The following GALNT13 variants were observed in gnomAD, a reference collection of about 807,000 sequenced individuals.
GALNT13 encodes the protein polypeptide N-acetylgalactosaminyltransferase 13.
A neutral mutation model predicts 64.2 loss-of-function variants in GALNT13; 28 were observed. That is an observed-to-expected ratio of 0.44 (90% CI 0.32 to 0.60). The LOEUF is 0.60. Among genes scored for constraint, GALNT13 ranks in the 20% least tolerant of loss-of-function variants. GALNT13 has a pLI of 0.05. For synonymous variants in GALNT13, 214 were observed against 224.6 expected (o/e 0.95, Z 0.42); for missense variants, 577 against 669.8 (o/e 0.86, Z 1.53).
chr2:154,341,418 G>T (rs1283462582), intron 9 of GALNT13, among the ~76,000 whole-genome samples: 9 of 152,126 alleles, frequency 5.9e-5, no homozygotes. Context: ...TGAGATGGAG[G>T]TGTGGAATGC....
the GALNT13 span, among the ~76,000 whole-genome samples, chr2:153,161,029 A>C: frequency 6.6e-6 from 1 of 152,310 alleles, no homozygotes; most frequent in East Asian, 1.9e-4. Flanking sequence ...TACTAGATTA[A>C]AAGGCAGTAA....
chr2:154,082,119 T>C (rs762462271), intron 3 of GALNT13, among the ~76,000 whole-genome samples: 2 of 151,694 alleles, frequency 1.3e-5, no homozygotes, highest in African/African-American at 4.8e-5. Flanking sequence ...GGTTTTATGA[T>C]GTGTATTTTT....
At chr2:154,023,886 C>T (rs1467232638) in intron 3 of GALNT13, among the ~76,000 whole-genome samples, 1 of 152,086 alleles carries the variant, frequency 6.6e-6, no homozygotes, top group Non-Finnish European at 1.5e-5. Flanking sequence ...TTAGGTCAGG[C>T]CTGGTGGTGA....
chr2:153,458,697 A>G, the GALNT13 span, among the ~76,000 whole-genome samples: 6 of 152,166 alleles, frequency 3.9e-5, no homozygotes, highest in Admixed American at 3.9e-4. Context: ...GCCTATCTCA[A>G]TTCTGGAAAA....
intron 3 of GALNT13, among the ~76,000 whole-genome samples, chr2:153,978,843 G>A (rs747017594): frequency 1.7e-4 from 26 of 152,164 alleles, no homozygotes; most frequent in Non-Finnish European, 3.2e-4. Flanking sequence ...GGCTGGGGTG[G>A]GAGGATCCTT....
At chr2:153,374,900 A>G in the GALNT13 span, among the ~76,000 whole-genome samples, 18,016 of 152,114 alleles carry the variant, frequency 0.12, 1,229 homozygotes, top group Middle Eastern at 0.17. Flanking sequence ...GCTATTACCA[A>G]TTCTCAGATA....
At chr2:153,114,969 C>A in the GALNT13 span, among the ~76,000 whole-genome samples, 2 of 152,188 alleles carry the variant, frequency 1.3e-5, no homozygotes, top group African/African-American at 2.4e-5. Flanking sequence ...TACTTCATCT[C>A]TCTGAGCCTT....
chr2:154,223,738 G>A (rs12693949), intron 4 of GALNT13, among the ~76,000 whole-genome samples: 49,157 of 151,858 alleles, frequency 0.32, 8,464 homozygotes, highest in Middle Eastern at 0.44. Context: ...AAAAGTATTT[G>A]TCACCTGGGA....
At chr2:153,971,410 C>T (rs1693733354) in intron 3 of GALNT13, among the ~76,000 whole-genome samples, 1 of 152,040 alleles carries the variant, frequency 6.6e-6, no homozygotes, top group Non-Finnish European at 1.5e-5. Context: ...GTCTATTTTA[C>T]TGCTGTATCT....
the GALNT13 span, among the ~76,000 whole-genome samples, chr2:153,667,696 T>C: frequency 6.6e-6 from 1 of 152,188 alleles, no homozygotes; most frequent in South Asian, 2.1e-4. Flanking sequence ...AGAGCATTGA[T>C]GCTATAAAGC....
At chr2:153,992,645 G>A (rs1695237161) in intron 3 of GALNT13, among the ~76,000 whole-genome samples, 1 of 152,228 alleles carries the variant, frequency 6.6e-6, no homozygotes, top group South Asian at 2.1e-4. Flanking sequence ...TCTGGAATAA[G>A]TGTATCCCCT....
chr2:153,688,031 ATTG>A, the GALNT13 span, among the ~76,000 whole-genome samples: 2 of 152,012 alleles, frequency 1.3e-5, no homozygotes, highest in African/African-American at 4.8e-5. Context: ...CTACACAGTT[ATTG>A]TTGCTGTTAA....
the GALNT13 span, among the ~76,000 whole-genome samples, chr2:153,432,268 A>G: frequency 6.6e-6 from 1 of 152,184 alleles, no homozygotes; most frequent in Non-Finnish European, 1.5e-5. Context: ...AAAGACTGTG[A>G]ACAACAACTC....
intron 4 of GALNT13, among the ~76,000 whole-genome samples, chr2:154,181,558 A>T (rs1264358305): frequency 6.6e-6 from 1 of 152,068 alleles, no homozygotes; most frequent in South Asian, 2.1e-4. Context: ...TTTTTGAAAA[A>T]CAAGTTTGAT....
At chr2:153,876,254 G>C (rs1295795227) in intron 1 of GALNT13, among the ~76,000 whole-genome samples, 1 of 149,728 alleles carries the variant, frequency 6.7e-6, no homozygotes, top group Non-Finnish European at 1.5e-5. Flanking sequence ...CAGTGGCTAA[G>C]CATATGTTTG....
At chr2:154,371,776 G>A (rs75845609) in intron 9 of GALNT13, among the ~76,000 whole-genome samples, 10,308 of 77,492 alleles carry the variant, frequency 0.13, 418 homozygotes, top group East Asian at 0.22. Context: ...TTGTGTGTGT[G>A]TGCTTTAATT....
the GALNT13 span, among the ~76,000 whole-genome samples, chr2:153,414,095 G>A: frequency 1.3e-5 from 2 of 152,060 alleles, no homozygotes; most frequent in African/African-American, 4.8e-5. Context: ...AAAAATGATG[G>A]CCGGGCTCAG....
chr2:154,163,384 T>C (rs1684850102), intron 4 of GALNT13, among the ~76,000 whole-genome samples: 1 of 151,644 alleles, frequency 6.6e-6, no homozygotes, highest in Admixed American at 6.6e-5. Context: ...AAGAATCAAA[T>C]AGATGCAATA....
the GALNT13 span, among the ~76,000 whole-genome samples, chr2:153,086,235 A>G: frequency 6.6e-6 from 1 of 152,138 alleles, no homozygotes; most frequent in African/African-American, 2.4e-5. Flanking sequence ...GAGACTTTCT[A>G]CTGTGGACTT....
Sources: allele counts gnomAD v4.1 joint callset (sites outside exome capture counted in the v4.1 genomes callset), GRCh38; gene constraint gnomAD v4.1.1; transcripts MANE v1.5; gene names NCBI Gene and HGNC (gene_info 2026-07-23, HGNC 2026-07-21).